Variants in TENM3 observed in about 807,000 individuals in gnomAD.
TENM3 encodes teneurin-3.
TENM3 carries 63 observed loss-of-function variants against 255.1 expected under a neutral mutation model. That is an observed-to-expected ratio of 0.25 (90% CI 0.20 to 0.30). The LOEUF (loss-of-function observed/expected upper bound fraction) is 0.30. Ranked by LOEUF, TENM3 falls within the 10% of genes least tolerant of loss-of-function variation. TENM3 has a pLI of 1.00. For synonymous variants in TENM3, 1,306 were observed against 1,322.3 expected (o/e 0.99, Z 0.27); for missense variants, 2,929 against 3,461.1 (o/e 0.85, Z 3.86).
the TENM3 span, among the ~76,000 whole-genome samples, chr4:182,109,962 A>T: frequency 6.6e-6 from 1 of 152,054 alleles, no homozygotes; most frequent in African/African-American, 2.4e-5. Context: ...TAGTTAGGGG[A>T]AAAATGAATA....
At chr4:181,525,396 C>CAAAAAAAA in the TENM3 span, among the ~76,000 whole-genome samples, 6 of 97,292 alleles carry the variant, frequency 6.2e-5, no homozygotes, top group Admixed American at 1.1e-4. Context: ...GACCCTGTTT[C>CAAAAAAAA]AAAAAAAAAA....
At chr4:182,016,791 G>A in the TENM3 span, among the ~76,000 whole-genome samples, 8 of 152,132 alleles carry the variant, frequency 5.3e-5, no homozygotes, top group East Asian at 7.7e-4. Flanking sequence ...AAATTACCTC[G>A]AAGTTTGTTA....
At chr4:182,586,622 A>G (rs1211306587) in intron 3 of TENM3, among the ~76,000 whole-genome samples, 1 of 152,174 alleles carries the variant, frequency 6.6e-6, no homozygotes, top group Non-Finnish European at 1.5e-5. Flanking sequence ...CATGGTTTCC[A>G]CTTAACAGAT....
chr4:182,028,775 A>G, the TENM3 span, among the ~76,000 whole-genome samples: 1 of 151,960 alleles, frequency 6.6e-6, no homozygotes, highest in Non-Finnish European at 1.5e-5. Context: ...CTTGTTATTG[A>G]TTTCTAGTTT....
chr4:182,120,138 AC>A, the TENM3 span, among the ~76,000 whole-genome samples: 2 of 150,850 alleles, frequency 1.3e-5, no homozygotes, highest in Non-Finnish European at 3.0e-5. Flanking sequence ...TCTCTTCTTC[AC>A]TTTTGGTTAG....
chr4:181,891,975 C>T, the TENM3 span, among the ~76,000 whole-genome samples: 1 of 152,134 alleles, frequency 6.6e-6, no homozygotes. Flanking sequence ...GGAATTCAAC[C>T]TTCTTACCCT....
chr4:182,104,228 G>A, the TENM3 span, among the ~76,000 whole-genome samples: 1 of 152,100 alleles, frequency 6.6e-6, no homozygotes, highest in African/African-American at 2.4e-5. Flanking sequence ...GGCACCTCTG[G>A]CCTGAATCAA....
At chr4:181,989,481 CAT>C in the TENM3 span, among the ~76,000 whole-genome samples, 6 of 152,218 alleles carry the variant, frequency 3.9e-5, no homozygotes, top group East Asian at 1.2e-3. Flanking sequence ...TTTTCTTTAA[CAT>C]ATCTGTAAAA....
rs1763702878 is a variant in TENM3 at position 182,330,842 on chromosome 4, A to G, written c.232+6590A>G. 2.6e-5 allele frequency among the ~76,000 whole-genome samples: 4 copies of G among 152,212 alleles called. No individual in the cohort carries two copies. In the South Asian group the frequency reaches 8.3e-4, roughly 31 times the overall value. ...AGCACTACAAGAGAAACCTTAACAG[A>G]AGGCTGGAACTAAAAGCATTTACCT... is the stretch of plus-strand genomic sequence containing the variant. On this transcript the variant is annotated intron_variant, in intron 2 of 27. Transcript: ENST00000511685.
chr4:182,312,298 G>A (rs889556094), intron 1 of TENM3, among the ~76,000 whole-genome samples: 1 of 152,174 alleles, frequency 6.6e-6, no homozygotes, highest in Non-Finnish European at 1.5e-5. Context: ...GAAGTTCAAG[G>A]CTGCAGTGAG....
chr4:182,285,716 C>T (rs1580014737), intron 1 of TENM3, among the ~76,000 whole-genome samples: 2 of 152,060 alleles, frequency 1.3e-5, no homozygotes, highest in Admixed American at 6.6e-5. Context: ...CAAAGGCAAA[C>T]GTCAGAACTT....
intron 1 of TENM3, among the ~76,000 whole-genome samples, chr4:182,298,913 G>A (rs1247702669): frequency 7.1e-6 from 1 of 141,348 alleles, no homozygotes; most frequent in Non-Finnish European, 1.5e-5. Context: ...GAACCCAGGA[G>A]GCAGAGGTTG....
At chr4:182,335,448 T>G (rs1180189008) in intron 2 of TENM3, among the ~76,000 whole-genome samples, 3 of 120,430 alleles carry the variant, frequency 2.5e-5, no homozygotes, top group Non-Finnish European at 5.0e-5. Context: ...TGAGCCGAGA[T>G]CGCGCCACCG....
the TENM3 span, among the ~76,000 whole-genome samples, chr4:181,896,957 G>T: frequency 6.6e-6 from 1 of 152,148 alleles, no homozygotes; most frequent in Non-Finnish European, 1.5e-5. Context: ...CTTCTTCCTG[G>T]AAGTCATCTT....
intron 3 of TENM3, among the ~76,000 whole-genome samples, chr4:182,440,114 CTTTTT>C (rs5864784): frequency 7.9e-6 from 1 of 126,764 alleles, no homozygotes; most frequent in South Asian, 2.5e-4. Context: ...TGGTGGGCAC[CTTTTT>C]TTTTTTTTTT....
intron 1 of TENM3, among the ~76,000 whole-genome samples, chr4:182,155,212 A>G (rs964093603): frequency 5.9e-5 from 9 of 152,168 alleles, no homozygotes; most frequent in Non-Finnish European, 1.0e-4. Flanking sequence ...AATTTTCCTT[A>G]ATAAATGGGC....
chr4:181,935,934 A>C, the TENM3 span, among the ~76,000 whole-genome samples: 3 of 152,172 alleles, frequency 2.0e-5, no homozygotes. Context: ...TTCATCTGTC[A>C]TGTATCCTAT....
chr4:181,834,711 G>A, the TENM3 span, among the ~76,000 whole-genome samples: 1 of 152,194 alleles, frequency 6.6e-6, no homozygotes, highest in Non-Finnish European at 1.5e-5. Flanking sequence ...AGTCAGGCAC[G>A]TGTTTATCCT....
At chr4:182,089,048 G>C in the TENM3 span, among the ~76,000 whole-genome samples, 2 of 152,136 alleles carry the variant, frequency 1.3e-5, no homozygotes, top group Non-Finnish European at 2.9e-5. Context: ...CTTCTACAGT[G>C]TGGTATGGCT....
Sources: gnomAD v4.1 joint callset for allele counts (sites outside exome capture counted in the v4.1 genomes callset) on GRCh38, gnomAD v4.1.1 for gene constraint, MANE v1.5 for transcripts, NCBI Gene and HGNC (gene_info 2026-07-23, HGNC 2026-07-21) for gene names.